The following MBD5 variants were observed in gnomAD, a reference collection of about 807,000 sequenced individuals.
The protein encoded by MBD5 is methyl-CpG binding domain protein 5, also known as methyl-CpG-binding domain protein 5.
In MBD5, 13 loss-of-function variants were observed where a neutral mutation model predicts 117.3. The observed-to-expected ratio is 0.11, with a 90% CI of 0.07 to 0.18. The LOEUF (loss-of-function observed/expected upper bound fraction) is 0.18. MBD5 is among the 10% of genes least tolerant of loss of function. The probability of loss-of-function intolerance (pLI) is 1.00; values close to 1 mark genes in which losing one functional copy is unlikely to be tolerated. For missense variants in MBD5, 1,879 were observed against 2,093.8 expected, an observed-to-expected ratio of 0.90 and a Z score of 2.00; for synonymous variants, 727 against 766.4, an observed-to-expected ratio of 0.95 and a Z score of 0.85.
At chr2:148,187,028 T>A (rs1698677773) in intron 2 of MBD5, among the ~76,000 whole-genome samples, 1 of 152,106 alleles carries the variant, frequency 6.6e-6, no homozygotes, top group African/African-American at 2.4e-5. Flanking sequence ...ACATTGCCAA[T>A]TAAAAAGATC....
intron 1 of MBD5, among the ~76,000 whole-genome samples, chr2:148,100,774 G>T (rs763470315): frequency 2.0e-5 from 3 of 152,160 alleles, no homozygotes; most frequent in Non-Finnish European, 2.9e-5. Context: ...TCCTTTGTAT[G>T]ACCTATTGTT....
At chr2:148,294,328 C>T (rs1201790155) in intron 3 of MBD5, among the ~76,000 whole-genome samples, 2 of 145,250 alleles carry the variant, frequency 1.4e-5, no homozygotes, top group Admixed American at 6.9e-5. Flanking sequence ...GGGTTCACGC[C>T]ATTCTCCTGC....
At chr2:148,327,447 G>T (rs1034208589) in intron 3 of MBD5, among the ~76,000 whole-genome samples, 1 of 152,076 alleles carries the variant, frequency 6.6e-6, no homozygotes, top group Non-Finnish European at 1.5e-5. Context: ...GCAGAGGGGG[G>T]GTTCCATTCT....
intron 1 of MBD5, among the ~76,000 whole-genome samples, chr2:148,068,870 C>A (rs758000788): frequency 2.0e-5 from 3 of 151,950 alleles, no homozygotes; most frequent in Non-Finnish European, 2.9e-5. Flanking sequence ...TAAGATTGGA[C>A]CTTTAAGGTC....
In MBD5 at chr2:148,458,430, T is replaced by C; in HGVS notation, c.-329T>C. 1.8e-6 allele frequency: 1 copy of C among 552,002 alleles called. No individual in the cohort carries two copies. The highest frequency in any genetic ancestry group is 2.8e-5 in the South Asian group (1 of 35,440). The allele number at this position is 552,002 out of a possible 1,614,324, so 34.2% of individuals were successfully genotyped here. ...AAGACAAATGTTGAACTAAAAACTT[T>C]ACACTCCCCACCCCCACTTCAGACA... On this transcript the variant is annotated 5_prime_UTR_variant, in exon 5 of 14. Coordinates refer to ENST00000642680, the MANE Select transcript of MBD5 (RefSeq NM_001378120.1).
At chr2:148,178,570 T>TAATA (rs1430332674) in intron 1 of MBD5, 130 bp from the exon 2 acceptor site, 3 of 379,096 alleles carry the variant, frequency 7.9e-6, no homozygotes, top group Non-Finnish European at 1.4e-5. Flanking sequence ...ATATGTCCTA[T>TAATA]AATACATCCC....
chr2:148,404,393 G>C (rs1038834825), intron 4 of MBD5, among the ~76,000 whole-genome samples: 1 of 152,076 alleles, frequency 6.6e-6, no homozygotes, highest in Admixed American at 6.5e-5. Flanking sequence ...TTTCTTTCAA[G>C]CAATTATTTT....
chr2:148,100,750 A>G (rs182057709), intron 1 of MBD5, among the ~76,000 whole-genome samples: 1 of 152,342 alleles, frequency 6.6e-6, no homozygotes, highest in East Asian at 1.9e-4. Context: ...GAAGGAAACT[A>G]GGTGGAAGCT....
At chr2:148,257,567 T>C (rs1393945753) in intron 3 of MBD5, among the ~76,000 whole-genome samples, 1 of 152,212 alleles carries the variant, frequency 6.6e-6, no homozygotes, top group Non-Finnish European at 1.5e-5. Context: ...ACGGCCCAAC[T>C]GCATGCTGCC....
intron 3 of MBD5, among the ~76,000 whole-genome samples, chr2:148,286,167 T>C (rs1250926374): frequency 7.9e-5 from 12 of 152,164 alleles, no homozygotes; most frequent in Admixed American, 7.2e-4. Flanking sequence ...GTCGTAAAGC[T>C]TTTTTTCCGT....
intron 1 of MBD5, among the ~76,000 whole-genome samples, chr2:148,142,114 A>G (rs943828896): frequency 6.6e-5 from 10 of 152,222 alleles, no homozygotes; most frequent in Non-Finnish European, 1.5e-4. Flanking sequence ...AAGACTGAGA[A>G]GGCCTATCGT....
Position 148,502,430 on chromosome 2 carries a change from A to G in MBD5, c.4963-6A>G. On this transcript the variant is annotated splice_polypyrimidine_tract_variant and splice_region_variant and intron_variant, in intron 11 of 13. Coordinates refer to ENST00000642680, the MANE Select transcript of MBD5 (RefSeq NM_001378120.1). ...AATGTGGTTTGGTCTTCATACCTTC[A>G]CTCAGGTGGAGCCCGAGAAGTTGAA... The G allele has an allele frequency of 6.2e-7, 1 of 1,613,768 alleles. No individual in the cohort carries two copies. Among genetic ancestry groups the G allele is most frequent in the Non-Finnish European group, 8.5e-7 (1 of 1,179,722 alleles).
At chr2:148,414,394 T>G (rs2105209620) in intron 4 of MBD5, among the ~76,000 whole-genome samples, 1 of 152,288 alleles carries the variant, frequency 6.6e-6, no homozygotes, top group Non-Finnish European at 1.5e-5. Flanking sequence ...GTGCAGTCAG[T>G]TTTAGAGTTT....
At chr2:148,456,095 G>C (rs1706871752) in intron 4 of MBD5, among the ~76,000 whole-genome samples, 2 of 152,110 alleles carry the variant, frequency 1.3e-5, no homozygotes. Context: ...TAGCTCATTA[G>C]TGCCAAATAT....
At chr2:148,067,653 A>G (rs1401376734) in intron 1 of MBD5, among the ~76,000 whole-genome samples, 1 of 152,140 alleles carries the variant, frequency 6.6e-6, no homozygotes, top group Non-Finnish European at 1.5e-5. Context: ...GTTACAAGAA[A>G]ATTTTCTTCG....
At chr2:148,383,322 A>G (rs1704220992) in intron 4 of MBD5, among the ~76,000 whole-genome samples, 1 of 152,230 alleles carries the variant, frequency 6.6e-6, no homozygotes, top group Admixed American at 6.5e-5. Context: ...AGAATACTAT[A>G]AACACTTCTA....
chr2:148,230,338 C>T (rs1249814791), intron 2 of MBD5, among the ~76,000 whole-genome samples: 1 of 152,214 alleles, frequency 6.6e-6, no homozygotes, highest in African/African-American at 2.4e-5. Flanking sequence ...ACCGCTACCA[C>T]ATCTCCACAG....
At chr2:148,323,144 T>C (rs1205007628) in intron 3 of MBD5, among the ~76,000 whole-genome samples, 3 of 152,004 alleles carry the variant, frequency 2.0e-5, no homozygotes, top group South Asian at 2.1e-4. Context: ...TGATTTCCAA[T>C]TTCATCCATG....
chr2:148,419,607 A>G (rs1012326477), intron 4 of MBD5, among the ~76,000 whole-genome samples: 14 of 151,860 alleles, frequency 9.2e-5, no homozygotes, highest in African/African-American at 2.7e-4. Flanking sequence ...GTTTGTGGCC[A>G]CTCTCTTGTT....
Sources: allele counts gnomAD v4.1 joint callset (sites outside exome capture counted in the v4.1 genomes callset), GRCh38; gene constraint gnomAD v4.1.1; transcripts MANE v1.5; gene names NCBI Gene and HGNC (gene_info 2026-07-23, HGNC 2026-07-21).